The following PALM2AKAP2 variants were observed in gnomAD, a reference collection of about 807,000 sequenced individuals.
PALM2AKAP2 encodes PALM2-AKAP2 fusion protein.
A neutral mutation model predicts 71.5 loss-of-function variants in PALM2AKAP2; 37 were observed. The ratio of observed to expected loss-of-function variants is 0.52; its 90% CI spans 0.40 to 0.68. The LOEUF is 0.68. Among genes scored for constraint, PALM2AKAP2 ranks in the 30% least tolerant of loss-of-function variants. The pLI is 0.00. For synonymous variants in PALM2AKAP2, 468 were observed against 478.8 expected, an observed-to-expected ratio of 0.98 and a Z score of 0.29; for missense variants, 1,224 against 1,191.8, an observed-to-expected ratio of 1.03 and a Z score of -0.40.
chr9:110,059,574 C>T (rs902722601), intron 1 of PALM2AKAP2, among the ~76,000 whole-genome samples: 1 of 152,248 alleles, frequency 6.6e-6, no homozygotes, highest in South Asian at 2.1e-4. Context: ...AACTTTCATT[C>T]TCCTTTGCAA....
chr9:110,049,672 G>C (rs1460937132), intron 1 of PALM2AKAP2, among the ~76,000 whole-genome samples: 1 of 152,202 alleles, frequency 6.6e-6, no homozygotes, highest in Non-Finnish European at 1.5e-5. Flanking sequence ...AGCCGTACCT[G>C]TAATGTCCGT....
At chr9:109,867,372 C>G in intron 1 of PALM2AKAP2, 119 bp from the exon 2 acceptor site, 1 of 1,139,930 alleles carries the variant, frequency 8.8e-7, no homozygotes, top group Admixed American at 2.1e-5. Flanking sequence ...TGCGTGTGTG[C>G]CCGGTGTCTC....
At chr9:109,974,173 A>G (rs1249192814) in intron 6 of PALM2AKAP2, among the ~76,000 whole-genome samples, 1 of 152,222 alleles carries the variant, frequency 6.6e-6, no homozygotes, top group Non-Finnish European at 1.5e-5. Context: ...CACAGAATGT[A>G]AGAGCTGGAG....
chr9:109,666,787 G>C (rs554890605), intron 1 of PALM2AKAP2, among the ~76,000 whole-genome samples: 24 of 152,208 alleles, frequency 1.6e-4, no homozygotes, highest in Non-Finnish European at 2.6e-4. Flanking sequence ...CATAGCAAAA[G>C]CTGGACAAAG....
chr9:109,890,064 G>T (rs759193910), intron 3 of PALM2AKAP2, among the ~76,000 whole-genome samples: 1 of 152,250 alleles, frequency 6.6e-6, no homozygotes, highest in East Asian at 1.9e-4. Context: ...GGCTTGTAAC[G>T]TGGTCATTTC....
At chr9:110,172,424 G>A (rs1836880001) in exon 4 of PALM2AKAP2, 1 of 152,718 alleles carries the variant, frequency 6.5e-6, no homozygotes, top group East Asian at 1.9e-4. Flanking sequence ...TTATTATCCT[G>A]CTTTGGTTTT....
intron 1 of PALM2AKAP2, among the ~76,000 whole-genome samples, chr9:109,724,584 T>C (rs1828449468): frequency 6.6e-6 from 1 of 152,198 alleles, no homozygotes; most frequent in Admixed American, 6.5e-5. Flanking sequence ...TTGTGTATAG[T>C]TAGCAGTGGT....
intron 1 of PALM2AKAP2, among the ~76,000 whole-genome samples, chr9:110,129,261 A>G (rs550723498): frequency 1.2e-4 from 18 of 152,348 alleles, no homozygotes; most frequent in African/African-American, 3.6e-4. Flanking sequence ...TCGACTTTTA[A>G]AGCTAAATTG....
At chr9:109,767,632 C>A (rs1321687948) in intron 1 of PALM2AKAP2, among the ~76,000 whole-genome samples, 4 of 152,218 alleles carry the variant, frequency 2.6e-5, no homozygotes, top group Admixed American at 2.0e-4. Flanking sequence ...TCTCCCTGAA[C>A]CCCTCCCCTC....
At chr9:109,887,786 C>A (rs1012248544) in intron 3 of PALM2AKAP2, among the ~76,000 whole-genome samples, 3 of 152,166 alleles carry the variant, frequency 2.0e-5, no homozygotes, top group African/African-American at 7.2e-5. Context: ...CTGCCTAATT[C>A]TAAAGCATGT....
At chr9:109,777,075 T>G (rs78711738), upstream of PALM2AKAP2, among the ~76,000 whole-genome samples, 2,199 of 152,350 alleles carry the variant, frequency 0.014, 63 homozygotes, top group African/African-American at 0.05. Context: ...CTTTCTCATC[T>G]TTCACAGTTT....
chr9:109,688,539 C>T (rs1182719614), intron 1 of PALM2AKAP2, among the ~76,000 whole-genome samples: 1 of 152,216 alleles, frequency 6.6e-6, no homozygotes, highest in Non-Finnish European at 1.5e-5. Flanking sequence ...AATTGCTGCT[C>T]AGGCCCATAT....
intron 1 of PALM2AKAP2, among the ~76,000 whole-genome samples, chr9:109,805,589 C>T (rs887961193): frequency 2.0e-5 from 3 of 152,106 alleles, no homozygotes; most frequent in Admixed American, 6.5e-5. Context: ...CTATCAGTTT[C>T]GGGGAGGCAG....
intron 1 of PALM2AKAP2, among the ~76,000 whole-genome samples, chr9:109,767,108 A>G (rs1829166422): frequency 6.6e-6 from 1 of 152,168 alleles, no homozygotes; most frequent in African/African-American, 2.4e-5. Flanking sequence ...GATGTGAGAG[A>G]AATGCAGTGA....
chr9:109,840,498 G>A (rs11560572), intron 1 of PALM2AKAP2, among the ~76,000 whole-genome samples: 16,112 of 152,142 alleles, frequency 0.11, 1,234 homozygotes, highest in East Asian at 0.36. Flanking sequence ...AATGGCAACA[G>A]AAGCCAAAAT....
At chr9:109,671,488 T>A (rs551602722) in intron 1 of PALM2AKAP2, among the ~76,000 whole-genome samples, 1 of 152,204 alleles carries the variant, frequency 6.6e-6, no homozygotes, top group Non-Finnish European at 1.5e-5. Context: ...CAGTACCATG[T>A]TGTTTTGGTT....
intron 1 of PALM2AKAP2, among the ~76,000 whole-genome samples, chr9:109,735,021 A>G (rs1340617834): frequency 6.6e-6 from 1 of 151,960 alleles, no homozygotes; most frequent in Non-Finnish European, 1.5e-5. Flanking sequence ...TGGTGGGCCA[A>G]GCTGTTTCTC....
intron 6 of PALM2AKAP2, among the ~76,000 whole-genome samples, chr9:109,976,504 T>C (rs1385940074): frequency 2.0e-5 from 3 of 152,178 alleles, no homozygotes; most frequent in Admixed American, 2.0e-4. Context: ...AGGAGGTGAC[T>C]TTAAGCAGGG....
At chr9:109,884,385 C>A (rs1384149401) in intron 3 of PALM2AKAP2, among the ~76,000 whole-genome samples, 1 of 152,106 alleles carries the variant, frequency 6.6e-6, no homozygotes, top group African/African-American at 2.4e-5. Context: ...TCGCTTGAAC[C>A]CGGGAAGCGG....
Sources: allele counts gnomAD v4.1 joint callset (sites outside exome capture counted in the v4.1 genomes callset), GRCh38; gene constraint gnomAD v4.1.1; transcripts MANE v1.5; gene names NCBI Gene and HGNC (gene_info 2026-07-23, HGNC 2026-07-21).